SH2D4A: variants seen among roughly 807,000 people sequenced by gnomAD.
SH2D4A encodes SH2 domain-containing protein 4A.
A neutral mutation model predicts 64.7 loss-of-function variants in SH2D4A; 70 were observed. That is an observed-to-expected ratio of 1.08 (90% CI 0.89 to 1.32). SH2D4A has a LOEUF of 1.32. Among genes scored for constraint, SH2D4A ranks in the 40% most tolerant of loss-of-function variants. SH2D4A has a pLI of 0.00. For synonymous variants in SH2D4A, 268 were observed against 200.7 expected, an observed-to-expected ratio of 1.34 and a Z score of -2.83; for missense variants, 706 against 540.1, an observed-to-expected ratio of 1.31 and a Z score of -3.04.
At chr8:19,368,418 G>C (rs188157297) in intron 7 of SH2D4A, among the ~76,000 whole-genome samples, 2 of 152,088 alleles carry the variant, frequency 1.3e-5, no homozygotes, top group East Asian at 3.9e-4. Context: ...ATTTTGATAG[G>C]AATTACATTG....
At chr8:19,369,138 A>G (rs2053052033) in intron 7 of SH2D4A, among the ~76,000 whole-genome samples, 1 of 151,976 alleles carries the variant, frequency 6.6e-6, no homozygotes, top group Admixed American at 6.6e-5. Flanking sequence ...ATGTTCATTG[A>G]TTCGTTTATG....
chr8:19,372,858 T>C (rs959074720), intron 7 of SH2D4A, among the ~76,000 whole-genome samples: 46 of 151,252 alleles, frequency 3.0e-4, no homozygotes, highest in African/African-American at 1.1e-3. Flanking sequence ...TTTTTTTTTT[T>C]AGCAGAACTA....
At chr8:19,382,905 G>A (rs529491734) in intron 8 of SH2D4A, among the ~76,000 whole-genome samples, 4 of 133,538 alleles carry the variant, frequency 3.0e-5, no homozygotes, top group East Asian at 2.2e-4. Context: ...ATCTTGACTC[G>A]CTACAGCCTT....
intron 2 of SH2D4A, among the ~76,000 whole-genome samples, chr8:19,329,741 G>A (rs1233992300): frequency 2.0e-5 from 3 of 152,142 alleles, no homozygotes; most frequent in Admixed American, 2.0e-4. Flanking sequence ...TTTATCAGGG[G>A]TTTCCACTTT....
chr8:19,355,528 C>T (rs565433443), intron 4 of SH2D4A, among the ~76,000 whole-genome samples: 21 of 152,282 alleles, frequency 1.4e-4, no homozygotes, highest in Non-Finnish European at 2.4e-4. Context: ...AAGGAATAAG[C>T]ATTAGATATC....
chr8:19,358,131 G>A (rs941507544), intron 5 of SH2D4A, among the ~76,000 whole-genome samples: 2 of 152,132 alleles, frequency 1.3e-5, no homozygotes, highest in Non-Finnish European at 2.9e-5. Flanking sequence ...CAGCAATAGG[G>A]GATCTAAAGG....
intron 2 of SH2D4A, among the ~76,000 whole-genome samples, chr8:19,322,600 T>A (rs1365684991): frequency 6.9e-6 from 1 of 144,804 alleles, no homozygotes; most frequent in Non-Finnish European, 1.5e-5. Context: ...TCACAGAAAC[T>A]TGTCTATTAT....
At chr8:19,384,722 G>T (rs994668737) in intron 8 of SH2D4A, among the ~76,000 whole-genome samples, 6 of 152,112 alleles carry the variant, frequency 3.9e-5, no homozygotes, top group African/African-American at 1.4e-4. Flanking sequence ...CCACTAACAT[G>T]CTTTTAAAGT....
chr8:19,335,983 C>A (rs968423751), intron 4 of SH2D4A, among the ~76,000 whole-genome samples: 1 of 152,186 alleles, frequency 6.6e-6, no homozygotes, highest in Non-Finnish European at 1.5e-5. Flanking sequence ...GTGCTTTTGA[C>A]TTCTTTGAGG....
intron 8 of SH2D4A, among the ~76,000 whole-genome samples, chr8:19,376,213 TC>T (rs2053193193): frequency 6.6e-6 from 1 of 152,070 alleles, no homozygotes; most frequent in African/African-American, 2.4e-5. Flanking sequence ...GCTGGCAGCA[TC>T]CCTTCCTGCT....
chr8:19,319,151 G>A (rs1015468501), intron 1 of SH2D4A, among the ~76,000 whole-genome samples, 193 bp from the exon 2 acceptor site: 17 of 151,474 alleles, frequency 1.1e-4, no homozygotes, highest in African/African-American at 4.1e-4. Flanking sequence ...TTTTGACAGA[G>A]TATCTTTAGA....
chr8:19,317,079 C>A (rs1288746631), intron 1 of SH2D4A, among the ~76,000 whole-genome samples: 1 of 152,176 alleles, frequency 6.6e-6, no homozygotes, highest in Non-Finnish European at 1.5e-5. Context: ...AAATGGGGAA[C>A]ACAGCAGAAG....
chr8:19,392,576 C>T (rs1228133300), intron 8 of SH2D4A, among the ~76,000 whole-genome samples: 1 of 152,042 alleles, frequency 6.6e-6, no homozygotes, highest in Admixed American at 6.6e-5. Context: ...CCATTGAGTC[C>T]TTGTTGGTAA....
At chr8:19,379,892 T>C (rs1390625210) in intron 8 of SH2D4A, among the ~76,000 whole-genome samples, 1 of 152,058 alleles carries the variant, frequency 6.6e-6, no homozygotes, top group Non-Finnish European at 1.5e-5. Flanking sequence ...TCCAGTACCA[T>C]GACTGGCTAA....
At chr8:19,356,991 C>G (rs2052801803) in intron 4 of SH2D4A, among the ~76,000 whole-genome samples, 1 of 152,194 alleles carries the variant, frequency 6.6e-6, no homozygotes, top group Non-Finnish European at 1.5e-5. Flanking sequence ...CAATTCCTTT[C>G]TAAGCCCTAC....
chr8:19,365,113 T>G (rs2052970273), intron 7 of SH2D4A, among the ~76,000 whole-genome samples: 1 of 152,252 alleles, frequency 6.6e-6, no homozygotes, highest in South Asian at 2.1e-4. Context: ...TTTGAAATAC[T>G]TCTCTAAGAT....
chr8:19,388,493 G>C (rs539684180), intron 8 of SH2D4A, among the ~76,000 whole-genome samples: 1 of 152,064 alleles, frequency 6.6e-6, no homozygotes, highest in Non-Finnish European at 1.5e-5. Context: ...CCTTAAGCAG[G>C]GTTTGCAAGT....
chr8:19,342,216 A>G (rs905072144), intron 4 of SH2D4A, among the ~76,000 whole-genome samples: 2 of 152,232 alleles, frequency 1.3e-5, no homozygotes, highest in Non-Finnish European at 2.9e-5. Flanking sequence ...TTGTATCAGT[A>G]GTGTTTTTTC....
At chr8:19,392,057 A>G (rs1212705580) in intron 8 of SH2D4A, among the ~76,000 whole-genome samples, 1 of 152,080 alleles carries the variant, frequency 6.6e-6, no homozygotes, top group Admixed American at 6.6e-5. Flanking sequence ...TGAGTTTTAC[A>G]GCATTATCTA....
Sources: allele counts gnomAD v4.1 joint callset (sites outside exome capture counted in the v4.1 genomes callset), GRCh38; gene constraint gnomAD v4.1.1; transcripts MANE v1.5; gene names NCBI Gene and HGNC (gene_info 2026-07-23, HGNC 2026-07-21).